RAB37: variants seen among roughly 807,000 people sequenced by gnomAD.
The protein encoded by RAB37 is RAB37, member RAS oncogene family.
A neutral mutation model predicts 33.1 loss-of-function variants in RAB37; 29 were observed. The ratio of observed to expected loss-of-function variants is 0.88; its 90% confidence interval spans 0.65 to 1.20. The LOEUF (loss-of-function observed/expected upper bound fraction) is 1.20, where lower values mean the gene tolerates loss of function less well. Ranked by LOEUF, RAB37 falls within the 50% of genes most tolerant of loss-of-function variation. The pLI, the probability that RAB37 is intolerant of heterozygous loss-of-function variation, is 0.00. For synonymous variants in RAB37, 128 were observed against 119.5 expected, an observed-to-expected ratio of 1.07 and a Z score of -0.47; for missense variants, 299 against 301.1, an observed-to-expected ratio of 0.99 and a Z score of 0.05.
At position 74,713,172 on chromosome 17, in the gene RAB37, G is replaced by A; in HGVS notation, c.73-16084G>A. Reference sequence around the variant, plus strand: ...ATACAAAAATTAGCCAGGCGTGGTGGCGCACACCTGTAGTCCCAGCTACTC... The same window carrying A: ...ATACAAAAATTAGCCAGGCGTGGTGACGCACACCTGTAGTCCCAGCTACTC... On this transcript the variant is annotated intron_variant, in intron 1 of 7. Coordinates refer to the RAB37 transcript ENST00000340415. 1.3e-5 allele frequency among the ~76,000 whole-genome samples: 2 copies of A among 152,020 alleles called. 1 individual carries two copies. Among genetic ancestry groups the A allele is most frequent in the East Asian group, 3.9e-4 (2 of 5,172 alleles).
intron 1 of RAB37, among the ~76,000 whole-genome samples, chr17:74,721,948 C>A (rs975401609): frequency 3.3e-5 from 5 of 152,052 alleles, no homozygotes; most frequent in African/African-American, 1.2e-4. Flanking sequence ...GTCATTGTAT[C>A]GGTTAGGGTT....
In RAB37 at chr17:74,729,619, G is replaced by A. The variant is rs994378275; in HGVS notation, c.183+253G>A. ...GGAAGGCACCCTCACCAGAACCCAG[G>A]GACAAAGCAGGCTGCTGGGTGAGCT... On this transcript the variant is annotated intron_variant, in intron 2 of 7. Transcript: ENST00000340415. This position sits in a 1 kb window ranked among gnomAD's most constrained non-coding sequence, Gnocchi z 4.2. Among the ~76,000 whole-genome samples the A allele has an allele frequency of 2.0e-5, 3 of 151,926 alleles. No individual in the cohort carries two copies. Among genetic ancestry groups the A allele is most frequent in the Admixed American group, 1.3e-4 (2 of 15,262 alleles).
At chr17:74,683,440 C>A (rs2031994214) in intron 1 of RAB37, among the ~76,000 whole-genome samples, 2 of 152,160 alleles carry the variant, frequency 1.3e-5, no homozygotes, top group South Asian at 4.1e-4. Context: ...TAGGGCGTGT[C>A]AGCCCAGGGC....
intron 4 of RAB37, 35 bp downstream of exon 4, chr17:74,743,230 C>A (rs1227220814): frequency 6.2e-7 from 1 of 1,613,420 alleles, no homozygotes; most frequent in African/African-American, 1.3e-5. Flanking sequence ...CCTACCCCAG[C>A]CCCTTGGTAG....
intron 2 of RAB37, among the ~76,000 whole-genome samples, chr17:74,732,074 G>C (rs1309330122): frequency 6.6e-6 from 1 of 151,756 alleles, no homozygotes; most frequent in African/African-American, 2.4e-5. Context: ...AACATTCACG[G>C]TTCACTATTA....
chr17:74,692,654 A>G (rs1013709182), intron 1 of RAB37, among the ~76,000 whole-genome samples: 4 of 151,950 alleles, frequency 2.6e-5, no homozygotes, highest in Non-Finnish European at 2.9e-5. Context: ...CCCCCATCCA[A>G]CAAAAATCAA....
At chr17:74,734,147 G>C (rs1248193353), upstream of RAB37, among the ~76,000 whole-genome samples, 2 of 152,160 alleles carry the variant, frequency 1.3e-5, no homozygotes, top group Non-Finnish European at 2.9e-5. Context: ...GCAGGGCCAC[G>C]CTCCCTCTGA....
In RAB37 at chr17:74,704,595, G is replaced by A. The variant is rs759605553; in HGVS notation, c.73-24661G>A. 70 of 1,614,126 alleles carry A rather than the reference G, an allele frequency of 4.3e-5. No individual in the cohort carries two copies. The highest frequency in any genetic ancestry group is 1.6e-4 in the Middle Eastern group (1 of 6,062). On this transcript the variant is annotated intron_variant, in intron 1 of 7. Coordinates refer to the RAB37 transcript ENST00000340415. Reference sequence around the variant, plus strand: ...TCCTCCATGGTCACAGTGAACGTGCGGTTTTTCTGATTGTCCTTGATGGAC... The same window carrying A: ...TCCTCCATGGTCACAGTGAACGTGCAGTTTTTCTGATTGTCCTTGATGGAC...
At chr17:74,704,876 C>G (rs1024246487) in intron 1 of RAB37, 1 of 1,340,476 alleles carries the variant, frequency 7.5e-7, no homozygotes, top group African/African-American at 1.4e-5. Flanking sequence ...CCACAGCTTT[C>G]TGTTTAGGGA....
chr17:74,740,996 G>C lies in RAB37; in HGVS notation c.204+118G>C, dbSNP rs114403477. 513 of 764,482 alleles carry C rather than the reference G, an allele frequency of 6.7e-4. 1 individual carries two copies. The African/African-American group carries it at 6.9e-3, about 10-fold the overall frequency. The allele number at this position is 764,482 out of a possible 1,614,324, so 47.4% of individuals were successfully genotyped here. A position where few individuals can be genotyped will look rare whatever the true frequency, so the allele number is the denominator to read the frequency against. The stretch of plus-strand genomic sequence containing the variant: ...CAGGGACTCCCGAGGCTCATGCCTG[G>C]AGGGCACACAACCCGCTCCCCCAAG... On this transcript the variant is annotated intron_variant, in intron 2 of 8. Coordinates refer to ENST00000392613, the MANE Select transcript of RAB37 (RefSeq NM_001006638.3).
At chr17:74,704,482 G>A in intron 1 of RAB37, 1 of 1,609,192 alleles carries the variant, frequency 6.2e-7, no homozygotes, top group Non-Finnish European at 8.5e-7. Context: ...TCTTACCTGG[G>A]TCAATGGTCA....
At chr17:74,735,358 G>A (rs1442117224), upstream of RAB37, among the ~76,000 whole-genome samples, 1 of 152,260 alleles carries the variant, frequency 6.6e-6, no homozygotes, top group East Asian at 1.9e-4. Context: ...TGTCCAACAT[G>A]GTGAAGTTCT....
intron 1 of RAB37, among the ~76,000 whole-genome samples, chr17:74,709,023 G>A (rs1057280647): frequency 2.0e-5 from 3 of 151,086 alleles, no homozygotes; most frequent in Non-Finnish European, 2.9e-5. Context: ...AAGAGATCGA[G>A]ACAATCCTGG....
At chr17:74,687,318 G>A (rs2032073976) in intron 1 of RAB37, among the ~76,000 whole-genome samples, 1 of 152,148 alleles carries the variant, frequency 6.6e-6, no homozygotes, top group African/African-American at 2.4e-5. Context: ...CCATCTCCCA[G>A]GTTCAAGCAA....
At chr17:74,734,940 GAAAGAAAGAGAGAAAGAAGA>G (rs1249244807), upstream of RAB37, among the ~76,000 whole-genome samples, 1 of 107,398 alleles carries the variant, frequency 9.3e-6, no homozygotes, top group African/African-American at 4.6e-5. Context: ...GAAAGAGAAA[GAAAGAAAGAGAGAAAGAAGA>G]AAGAAAGAAA....
At chr17:74,700,323 G>A (rs756020322) in intron 1 of RAB37, among the ~76,000 whole-genome samples, 11 of 152,076 alleles carry the variant, frequency 7.2e-5, no homozygotes, top group Non-Finnish European at 1.3e-4. Context: ...ACTTCCTGCT[G>A]CTCCTCAAAT....
At chr17:74,684,041 A>G (rs1395110520) in intron 1 of RAB37, among the ~76,000 whole-genome samples, 1 of 152,184 alleles carries the variant, frequency 6.6e-6, no homozygotes, top group Non-Finnish European at 1.5e-5. Context: ...CTGAAAAAAC[A>G]ATAAGTTCAT....
chr17:74,733,647 G>A (rs2034425999), upstream of RAB37, among the ~76,000 whole-genome samples: 1 of 150,822 alleles, frequency 6.6e-6, no homozygotes. Context: ...TCTGGGGAGA[G>A]ACACAGGCTA....
chr17:74,709,192 C>A (rs2033771288), intron 1 of RAB37, among the ~76,000 whole-genome samples: 2 of 151,708 alleles, frequency 1.3e-5, no homozygotes, highest in Non-Finnish European at 1.5e-5. Flanking sequence ...CCACTGCACT[C>A]CAGCCTGGAG....
Sources: gnomAD v4.1 joint callset for allele counts (sites outside exome capture counted in the v4.1 genomes callset) on GRCh38, gnomAD v4.1.1 for gene constraint, Gnocchi (gnomAD v3.1) non-coding constraint, MANE v1.5 for transcripts, NCBI Gene and HGNC (gene_info 2026-07-23, HGNC 2026-07-21) for gene names.